The following CSMD2 variants were observed in gnomAD, a reference collection of about 807,000 sequenced individuals.
CSMD2 encodes CUB and sushi domain-containing protein 2.
A neutral mutation model predicts 398.5 loss-of-function variants in CSMD2; 130 were observed. The ratio of observed to expected loss-of-function variants is 0.33; its 90% CI spans 0.28 to 0.38. The LOEUF is 0.38. Ranked by LOEUF, CSMD2 falls within the 10% of genes least tolerant of loss-of-function variation. The probability of loss-of-function intolerance (pLI) is 1.00; values close to 1 mark genes in which losing one functional copy is unlikely to be tolerated. For missense variants in CSMD2, 3,829 were observed against 4,764.9 expected (o/e 0.80, Z 5.78); for synonymous variants, 1,828 against 1,908.5 (o/e 0.96, Z 1.10).
chr1:34,058,562 A>G (rs957411212), intron 2 of CSMD2, among the ~76,000 whole-genome samples: 49 of 152,208 alleles, frequency 3.2e-4, no homozygotes, highest in Non-Finnish European at 6.6e-4. Flanking sequence ...GTAGCAGAGG[A>G]AGTCTATATC....
chr1:33,572,381 C>A, intron 50 of CSMD2, 125 bp downstream of exon 50: 1 of 868,216 alleles, frequency 1.2e-6, no homozygotes, highest in Non-Finnish European at 1.7e-6. Context: ...CCTCCAACCT[C>A]CATGTCCATG....
chr1:33,749,092 CTT>C (rs72469561), intron 13 of CSMD2, among the ~76,000 whole-genome samples: 4 of 87,806 alleles, frequency 4.6e-5, no homozygotes, highest in East Asian at 3.8e-4. Flanking sequence ...ATACAGACTT[CTT>C]TTTTTTTTTT....
At chr1:33,990,989 T>C (rs1646533944) in intron 3 of CSMD2, among the ~76,000 whole-genome samples, 1 of 151,578 alleles carries the variant, frequency 6.6e-6, no homozygotes, top group African/African-American at 2.4e-5. Flanking sequence ...TATGTGAAAA[T>C]CAAACTTAAC....
At position 33,711,345 on chromosome 1, in the gene CSMD2, T is replaced by A. The variant is rs527550051; in HGVS notation, c.3407-2087A>T. On this transcript the variant is annotated intron_variant, in intron 21 of 70. Transcript: ENST00000373381. ...AGAGGCCTGTGGTGCAGTGGGATGA[T>A]CATGGACTTTGGAGTTAGATACATT... Among the ~76,000 whole-genome samples, 16 of 152,374 alleles carry A rather than the reference T, an allele frequency of 1.1e-4. No homozygotes were observed. The South Asian group carries it at 3.3e-3, about 32-fold the overall frequency.
At chr1:33,976,687 G>C (rs1356053609) in intron 3 of CSMD2, among the ~76,000 whole-genome samples, 1 of 152,116 alleles carries the variant, frequency 6.6e-6, no homozygotes, top group African/African-American at 2.4e-5. Flanking sequence ...TCCACCATCA[G>C]AGAACCATTC....
intron 26 of CSMD2, among the ~76,000 whole-genome samples, chr1:33,660,319 C>T (rs1028118569): frequency 3.3e-5 from 5 of 152,266 alleles, no homozygotes; most frequent in African/African-American, 1.2e-4. Context: ...ATTATGCTTC[C>T]CGCTCACCTT....
intron 1 of CSMD2, among the ~76,000 whole-genome samples, chr1:34,118,897 A>G (rs567905431): frequency 1.3e-5 from 2 of 152,310 alleles, no homozygotes; most frequent in East Asian, 1.9e-4. Context: ...CAAAACCCCA[A>G]TGGCACATTT....
intron 67 of CSMD2, among the ~76,000 whole-genome samples, chr1:33,522,310 T>C (rs961308584): frequency 1.6e-4 from 25 of 152,190 alleles, no homozygotes; most frequent in African/African-American, 4.8e-4. Context: ...AGGCAGTAGC[T>C]CCAGCTGTTC....
intron 1 of CSMD2, among the ~76,000 whole-genome samples, chr1:34,136,977 T>C (rs1215103690): frequency 6.6e-6 from 1 of 152,146 alleles, no homozygotes; most frequent in Non-Finnish European, 1.5e-5. Flanking sequence ...ATTGATCCCA[T>C]CTAGCCCATC....
chr1:33,902,504 C>T (rs538199090), intron 5 of CSMD2, among the ~76,000 whole-genome samples: 2 of 152,314 alleles, frequency 1.3e-5, no homozygotes, highest in East Asian at 3.9e-4. Flanking sequence ...ATGCCTGGGT[C>T]CCTCCCTGGG....
intron 1 of CSMD2, among the ~76,000 whole-genome samples, chr1:34,141,809 G>A (rs1225555193): frequency 6.6e-6 from 1 of 152,190 alleles, no homozygotes; most frequent in African/African-American, 2.4e-5. Flanking sequence ...AATGCAAGGA[G>A]GGAAACCAGG....
rs1188579858 is a variant in CSMD2, at chr1:33,559,252, T to C, written c.8554+48A>G. Reference sequence around the variant, plus strand: ...TCTTTTTCTGAGCTACAGAACCACATATAGCAGAGATGGTGGGGACTGGAT... The same window carrying C: ...TCTTTTTCTGAGCTACAGAACCACACATAGCAGAGATGGTGGGGACTGGAT... On this transcript the variant is annotated intron_variant, in intron 54 of 70. Coordinates refer to ENST00000373381, the MANE Select transcript of CSMD2 (RefSeq NM_001281956.2). This position sits in a 1 kb window ranked among gnomAD's most constrained non-coding sequence, Gnocchi z 4.0. The C allele has an allele frequency of 6.7e-7, 1 of 1,497,872 alleles. No homozygotes were observed. The highest frequency in any genetic ancestry group is 1.4e-5 in the African/African-American group (1 of 72,482). The allele number at this position is 1,497,872 out of a possible 1,614,324, so 92.8% of individuals were successfully genotyped here.
At chr1:33,886,593 C>T (rs1641613310) in intron 5 of CSMD2, among the ~76,000 whole-genome samples, 1 of 152,164 alleles carries the variant, frequency 6.6e-6, no homozygotes, top group African/African-American at 2.4e-5. Flanking sequence ...TCTGCCCCAG[C>T]ACAGAGCAGA....
intron 15 of CSMD2, among the ~76,000 whole-genome samples, chr1:33,737,933 C>A (rs1646936550): frequency 6.6e-6 from 1 of 151,664 alleles, no homozygotes; most frequent in South Asian, 2.1e-4. Context: ...CCTTTTTTTT[C>A]CAGCTGGAAA....
intron 3 of CSMD2, among the ~76,000 whole-genome samples, chr1:34,010,782 C>T (rs186414440): frequency 6.6e-6 from 1 of 152,236 alleles, no homozygotes; most frequent in Admixed American, 6.5e-5. Flanking sequence ...CCACGCTAGG[C>T]TAATTTTTTG....
At chr1:33,707,175 G>A (rs1324913521) in intron 22 of CSMD2, among the ~76,000 whole-genome samples, 1 of 152,188 alleles carries the variant, frequency 6.6e-6, no homozygotes, top group Admixed American at 6.5e-5. Context: ...TACTCCATAT[G>A]ACCTCCAGCA....
intron 25 of CSMD2, among the ~76,000 whole-genome samples, chr1:33,685,791 T>A (rs1422076893): frequency 1.3e-5 from 2 of 152,200 alleles, no homozygotes; most frequent in African/African-American, 4.8e-5. Flanking sequence ...ACTTATAGCA[T>A]CTATTTTATC....
chr1:33,663,694 G>A (rs527669442), intron 25 of CSMD2, among the ~76,000 whole-genome samples: 1 of 152,262 alleles, frequency 6.6e-6, no homozygotes, highest in Non-Finnish European at 1.5e-5. Flanking sequence ...CCTGTGTGGG[G>A]GTCTGCAGGA....
intron 5 of CSMD2, among the ~76,000 whole-genome samples, chr1:33,877,330 G>A (rs1316863057): frequency 6.6e-6 from 1 of 152,158 alleles, no homozygotes; most frequent in Non-Finnish European, 1.5e-5. Flanking sequence ...GTTAACAGAG[G>A]TCCTGTGTGC....
Sources: gnomAD v4.1 joint callset for allele counts (sites outside exome capture counted in the v4.1 genomes callset) on GRCh38, gnomAD v4.1.1 for gene constraint, Gnocchi (gnomAD v3.1) non-coding constraint, MANE v1.5 for transcripts, NCBI Gene and HGNC (gene_info 2026-07-23, HGNC 2026-07-21) for gene names.